Variants in SHISA9 observed in about 807,000 individuals in gnomAD.
SHISA9 encodes the protein shisa family member 9.
A neutral mutation model predicts 38.0 loss-of-function variants in SHISA9; 13 were observed. The observed-to-expected ratio is 0.34, with a 90% CI of 0.22 to 0.54. SHISA9 has a LOEUF of 0.54. Ranked by LOEUF, SHISA9 falls within the 20% of genes least tolerant of loss-of-function variation. The pLI is 0.91. For synonymous variants in SHISA9, 275 were observed against 242.0 expected, an observed-to-expected ratio of 1.14 and a Z score of -1.27; for missense variants, 538 against 575.8, an observed-to-expected ratio of 0.93 and a Z score of 0.67.
chr16:12,986,558 G>A (rs1047789578), intron 2 of SHISA9, among the ~76,000 whole-genome samples: 10 of 152,138 alleles, frequency 6.6e-5, no homozygotes, highest in South Asian at 2.1e-4. Flanking sequence ...TCATGAGCTC[G>A]GAGGTCTTTT....
intron 2 of SHISA9, among the ~76,000 whole-genome samples, chr16:13,024,442 T>A (rs2866126): frequency 0.21 from 31,382 of 152,182 alleles, 4,193 homozygotes; most frequent in Middle Eastern, 0.32. Context: ...TTTTGGCTGG[T>A]TCAGATGCAA....
intron 2 of SHISA9, among the ~76,000 whole-genome samples, chr16:13,023,145 T>A (rs2141868439): frequency 1.3e-5 from 2 of 152,316 alleles, no homozygotes; most frequent in East Asian, 3.9e-4. Flanking sequence ...CATTAGGTAT[T>A]TCTCCTAATG....
At position 12,901,899 on chromosome 16, in the gene SHISA9, C is replaced by A; in HGVS notation, c.-166C>A. ...TGAGGCGAACGCGGGCTGAGCCGAG[C>A]GCAGTGGCCGCCGACCACCGAGCGC... On this transcript the variant is annotated 5_prime_UTR_variant, in exon 1 of 5. Transcript: ENST00000558583. 1 of 315,580 alleles carries A rather than the reference C, an allele frequency of 3.2e-6. No homozygotes were observed. Among genetic ancestry groups the A allele is most frequent in the South Asian group, 1.5e-4 (1 of 6,868 alleles). The allele number at this position is 315,580 out of a possible 1,614,324, so 19.5% of individuals were successfully genotyped here. A position where few individuals can be genotyped will look rare whatever the true frequency, so the allele number is the denominator to read the frequency against.
the SHISA9 span, among the ~76,000 whole-genome samples, chr16:13,366,773 G>A: frequency 6.6e-6 from 1 of 151,994 alleles, no homozygotes; most frequent in Non-Finnish European, 1.5e-5. Flanking sequence ...GATCACTTAT[G>A]GTCAGTTGAG....
the SHISA9 span, among the ~76,000 whole-genome samples, chr16:13,390,357 T>A: frequency 6.6e-6 from 1 of 152,104 alleles, no homozygotes; most frequent in South Asian, 2.1e-4. Context: ...CAACATGAAG[T>A]GTGTTTGTTG....
the SHISA9 span, among the ~76,000 whole-genome samples, chr16:13,446,150 C>G: frequency 2.0e-5 from 3 of 151,976 alleles, no homozygotes; most frequent in Admixed American, 6.6e-5. Context: ...TTTCCCCATG[C>G]TGGCCAGGAT....
At chr16:13,317,763 T>A in the SHISA9 span, among the ~76,000 whole-genome samples, 1 of 152,348 alleles carries the variant, frequency 6.6e-6, no homozygotes, top group East Asian at 1.9e-4. Flanking sequence ...TCCCTTCATG[T>A]GTCAAACTTT....
chr16:13,281,800 A>G, the SHISA9 span, among the ~76,000 whole-genome samples: 1 of 151,226 alleles, frequency 6.6e-6, no homozygotes, highest in African/African-American at 2.4e-5. Flanking sequence ...TTTTCCCTTC[A>G]TACCTGGGCC....
At chr16:13,347,861 A>C in the SHISA9 span, among the ~76,000 whole-genome samples, 17 of 151,412 alleles carry the variant, frequency 1.1e-4, no homozygotes, top group Admixed American at 1.0e-3. Flanking sequence ...AGATGTCCAC[A>C]TCTTAATCCC....
chr16:13,550,916 G>C, the SHISA9 span, among the ~76,000 whole-genome samples: 2 of 152,102 alleles, frequency 1.3e-5, no homozygotes, highest in East Asian at 3.9e-4. Context: ...AAGGTCAGGC[G>C]TTCGAGACCA....
downstream of SHISA9, among the ~76,000 whole-genome samples, chr16:13,242,875 C>A (rs769955483): frequency 2.6e-5 from 4 of 152,246 alleles, no homozygotes; most frequent in Non-Finnish European, 5.9e-5. Context: ...GTAACAAATT[C>A]TGAGGATTGA....
At chr16:13,461,125 A>G in the SHISA9 span, among the ~76,000 whole-genome samples, 1 of 152,212 alleles carries the variant, frequency 6.6e-6, no homozygotes. Context: ...TGGCAATAAT[A>G]TTAATAGAAA....
chr16:12,922,508 C>A (rs1031485218), intron 2 of SHISA9, among the ~76,000 whole-genome samples: 2 of 152,144 alleles, frequency 1.3e-5, no homozygotes, highest in Non-Finnish European at 2.9e-5. Context: ...TCCATTATTT[C>A]CCATTTCCCC....
At chr16:13,448,050 T>A in the SHISA9 span, among the ~76,000 whole-genome samples, 7 of 152,222 alleles carry the variant, frequency 4.6e-5, no homozygotes, top group African/African-American at 1.7e-4. Context: ...ACAGAAGCAT[T>A]ACTTCCAGGG....
At chr16:13,312,866 A>G in the SHISA9 span, among the ~76,000 whole-genome samples, 2 of 152,232 alleles carry the variant, frequency 1.3e-5, no homozygotes, top group African/African-American at 4.8e-5. Flanking sequence ...GAGAATATAA[A>G]AATTAGCAAA....
chr16:13,200,440 A>ACACACACAG (rs201359350), intron 2 of SHISA9, among the ~76,000 whole-genome samples: 91 of 150,146 alleles, frequency 6.1e-4, no homozygotes, highest in African/African-American at 2.2e-3. Context: ...ACACACACAC[A>ACACACACAG]CAGCAGCAGC....
chr16:12,908,756 C>T (rs2071140224), intron 1 of SHISA9: 2 of 1,401,944 alleles, frequency 1.4e-6, no homozygotes, highest in East Asian at 5.3e-5. Flanking sequence ...CTATATCGGC[C>T]CCGGCAGGCC....
chr16:13,297,939 A>G, the SHISA9 span, among the ~76,000 whole-genome samples: 1 of 152,152 alleles, frequency 6.6e-6, no homozygotes, highest in Non-Finnish European at 1.5e-5. Flanking sequence ...TATTTTTAGT[A>G]GAGACAGGGT....
At chr16:12,932,461 C>T (rs2071473810) in intron 2 of SHISA9, among the ~76,000 whole-genome samples, 1 of 152,124 alleles carries the variant, frequency 6.6e-6, no homozygotes, top group African/African-American at 2.4e-5. Flanking sequence ...CCTGCCTTAG[C>T]CTCCTGAGTA....
Sources: gnomAD v4.1 joint callset for allele counts (sites outside exome capture counted in the v4.1 genomes callset) on GRCh38, gnomAD v4.1.1 for gene constraint, MANE v1.5 for transcripts, NCBI Gene and HGNC (gene_info 2026-07-23, HGNC 2026-07-21) for gene names.